Variants in SAMTOR observed in about 807,000 individuals in gnomAD.
The protein encoded by SAMTOR is UPF0532 protein C7orf60.
chr7:112,827,761 G>A, the SAMTOR span, among the ~76,000 whole-genome samples: 5 of 152,052 alleles, frequency 3.3e-5, no homozygotes, highest in East Asian at 7.7e-4. Context: ...TCCCTCTGTT[G>A]CCCAGGCTGG....
the SAMTOR span, among the ~76,000 whole-genome samples, chr7:112,845,398 A>C: frequency 6.6e-6 from 1 of 152,132 alleles, no homozygotes; most frequent in African/African-American, 2.4e-5. Flanking sequence ...TTACAAGAAA[A>C]AACAACCCCA....
the SAMTOR span, among the ~76,000 whole-genome samples, chr7:112,936,846 A>G: frequency 3.3e-5 from 5 of 152,016 alleles, no homozygotes; most frequent in Non-Finnish European, 7.4e-5. Flanking sequence ...ATTCCCATCA[A>G]TTTATAACTT....
chr7:112,902,422 A>C, the SAMTOR span, among the ~76,000 whole-genome samples: 3 of 105,138 alleles, frequency 2.9e-5, 1 homozygote, highest in Non-Finnish European at 5.6e-5. Flanking sequence ...GTCTCAAAAA[A>C]AAAAAACAAA....
At chr7:112,912,233 C>T in the SAMTOR span, among the ~76,000 whole-genome samples, 10 of 151,848 alleles carry the variant, frequency 6.6e-5, no homozygotes, top group African/African-American at 2.2e-4. Context: ...CTGTAATTTA[C>T]CTTCAAATAG....
the SAMTOR span, among the ~76,000 whole-genome samples, chr7:112,823,859 T>C: frequency 1.3e-5 from 2 of 152,326 alleles, no homozygotes; most frequent in Admixed American, 6.5e-5. Flanking sequence ...ATTTTAGTAA[T>C]TGTAATAGAT....
the SAMTOR span, among the ~76,000 whole-genome samples, chr7:112,825,368 G>A: frequency 1.3e-5 from 2 of 152,072 alleles, no homozygotes; most frequent in African/African-American, 4.8e-5. Flanking sequence ...TTTGCAGCAT[G>A]TGGATTTTTC....
chr7:112,916,377 A>T, the SAMTOR span, among the ~76,000 whole-genome samples: 1 of 152,206 alleles, frequency 6.6e-6, no homozygotes, highest in South Asian at 2.1e-4. Flanking sequence ...TGGACATAGG[A>T]GTTAGGTTCT....
the SAMTOR span, among the ~76,000 whole-genome samples, chr7:112,890,841 C>T: frequency 6.6e-6 from 1 of 152,014 alleles, no homozygotes; most frequent in Non-Finnish European, 1.5e-5. Context: ...CAGGCACATG[C>T]CACTACACCT....
chr7:112,820,428 G>C, the SAMTOR span: 1 of 152,110 alleles, frequency 6.6e-6, no homozygotes, highest in South Asian at 2.1e-4. Context: ...TGATATTTCA[G>C]TGCAAAAACC....
chr7:112,821,983 T>G, the SAMTOR span: 1 of 1,613,602 alleles, frequency 6.2e-7, no homozygotes, highest in Non-Finnish European at 8.5e-7. Context: ...ACCAAGTCAC[T>G]TGTGGTTTTT....
the SAMTOR span, among the ~76,000 whole-genome samples, chr7:112,869,067 C>T: frequency 6.6e-6 from 1 of 152,132 alleles, no homozygotes; most frequent in African/African-American, 2.4e-5. Context: ...GGAACGTGGC[C>T]TGCCAAAGCC....
the SAMTOR span, among the ~76,000 whole-genome samples, chr7:112,922,938 G>A: frequency 6.7e-6 from 1 of 150,282 alleles, no homozygotes; most frequent in African/African-American, 2.5e-5. Flanking sequence ...TGGGAAGTGA[G>A]GAGCCCCTCT....
the SAMTOR span, among the ~76,000 whole-genome samples, chr7:112,881,031 G>A: frequency 1.3e-5 from 2 of 152,038 alleles, no homozygotes; most frequent in South Asian, 4.1e-4. Flanking sequence ...CTGCAGACCC[G>A]GGCATCCCTG....
chr7:112,899,806 G>C, the SAMTOR span, among the ~76,000 whole-genome samples: 2 of 98,772 alleles, frequency 2.0e-5, no homozygotes, highest in Non-Finnish European at 3.9e-5. Context: ...AAAAAAAAAG[G>C]AAACAACTTT....
chr7:112,923,959 C>T, the SAMTOR span, among the ~76,000 whole-genome samples: 26 of 151,076 alleles, frequency 1.7e-4, no homozygotes, highest in Admixed American at 1.1e-3. Context: ...AACCAAACAC[C>T]GCATATTCTC....
the SAMTOR span, among the ~76,000 whole-genome samples, chr7:112,926,746 T>C: frequency 2.0e-5 from 3 of 152,140 alleles, no homozygotes; most frequent in African/African-American, 7.2e-5. Flanking sequence ...TGAGCAGGCA[T>C]TGGTATCAAA....
At chr7:112,936,223 G>A in the SAMTOR span, among the ~76,000 whole-genome samples, 1 of 152,220 alleles carries the variant, frequency 6.6e-6, no homozygotes, top group East Asian at 1.9e-4. Context: ...TTAAAAGACT[G>A]TCTCTTAACT....
At chr7:112,933,779 A>C in the SAMTOR span, among the ~76,000 whole-genome samples, 2 of 152,290 alleles carry the variant, frequency 1.3e-5, no homozygotes, top group African/African-American at 4.8e-5. Flanking sequence ...CAAATCTCAG[A>C]TCCACCAAAT....
the SAMTOR span, among the ~76,000 whole-genome samples, chr7:112,847,092 A>G: frequency 6.6e-6 from 1 of 152,220 alleles, no homozygotes; most frequent in African/African-American, 2.4e-5. Context: ...ACTTTTATGT[A>G]TGGAATCAAC....
Sources: gnomAD v4.1 joint callset for allele counts (sites outside exome capture counted in the v4.1 genomes callset) on GRCh38, gnomAD v4.1.1 for gene constraint, MANE v1.5 for transcripts, NCBI Gene and HGNC (gene_info 2026-07-23, HGNC 2026-07-21) for gene names.